The following SGK1 variants were observed in gnomAD, a reference collection of about 807,000 sequenced individuals.
SGK1 encodes the protein serine/threonine-protein kinase Sgk1.
In SGK1, 26 loss-of-function variants were observed where a neutral mutation model predicts 64.2. The observed-to-expected ratio is 0.40, with a 90% CI of 0.30 to 0.56. The LOEUF is 0.56. Ranked by LOEUF, SGK1 falls within the 20% of genes least tolerant of loss-of-function variation. SGK1 has a pLI of 0.38. For missense variants in SGK1, 519 were observed against 645.6 expected, an observed-to-expected ratio of 0.80 and a Z score of 2.12; for synonymous variants, 265 against 239.7, an observed-to-expected ratio of 1.11 and a Z score of -0.98.
intron 2 of SGK1, among the ~76,000 whole-genome samples, chr6:134,257,520 A>G (rs1281539502): frequency 1.3e-5 from 2 of 152,310 alleles, no homozygotes; most frequent in African/African-American, 2.4e-5. Flanking sequence ...TCTATATTTT[A>G]TCTTTACATA....
At chr6:134,228,841 C>CTTTTTTTTTTT (rs754300980) in intron 2 of SGK1, among the ~76,000 whole-genome samples, 1 of 129,960 alleles carries the variant, frequency 7.7e-6, no homozygotes, top group Non-Finnish European at 1.6e-5. Flanking sequence ...TGTAGTTGTT[C>CTTTTTTTTTTT]TTTTTTTTTT....
intron 2 of SGK1, among the ~76,000 whole-genome samples, chr6:134,257,732 T>C (rs1001059167): frequency 9.8e-5 from 15 of 152,334 alleles, no homozygotes; most frequent in African/African-American, 3.4e-4. Context: ...GTGGCAGAGC[T>C]GGCACAAGAA....
At chr6:134,277,330 A>C (rs1408846811) in intron 1 of SGK1, among the ~76,000 whole-genome samples, 3 of 152,214 alleles carry the variant, frequency 2.0e-5, no homozygotes, top group Non-Finnish European at 4.4e-5. Context: ...TTGAAAAAAC[A>C]AACCAACCAA....
At chr6:134,246,412 C>T (rs1776526046) in intron 2 of SGK1, among the ~76,000 whole-genome samples, 1 of 151,904 alleles carries the variant, frequency 6.6e-6, no homozygotes, top group Non-Finnish European at 1.5e-5. Context: ...CCACCTCAAC[C>T]TCCCAAAGTG....
rs1777706575 is a variant in SGK1 at position 134,317,596 on chromosome 6, T to A, written c.-136A>T. The A allele has an allele frequency of 1.4e-6, 1 of 702,316 alleles. No homozygotes were observed. The highest frequency in any genetic ancestry group is 2.6e-6 in the Non-Finnish European group (1 of 381,880). The allele number at this position is 702,316 out of a possible 1,614,324, so 43.5% of individuals were successfully genotyped here. A position where few individuals can be genotyped will look rare whatever the true frequency, so the allele number is the denominator to read the frequency against. On this transcript the variant is annotated 5_prime_UTR_variant, in exon 1 of 14. Transcript: ENST00000367858. The stretch of plus-strand genomic sequence containing the variant: ...GATGGAGAATCTAGCGGGGCTCAGT[T>A]CTTCACTCGCGCATTCTGCAGCACC...
At chr6:134,174,474 C>T in intron 4 of SGK1, 37 bp downstream of exon 4, 1 of 1,505,124 alleles carries the variant, frequency 6.6e-7, no homozygotes, top group Non-Finnish European at 9.2e-7. Context: ...CAAATTCAAA[C>T]TATACTAGTT....
At chr6:134,316,519 G>A (rs761966085) in intron 1 of SGK1, among the ~76,000 whole-genome samples, 4 of 151,938 alleles carry the variant, frequency 2.6e-5, no homozygotes, top group Non-Finnish European at 5.9e-5. Flanking sequence ...CTTACCTCCC[G>A]CTTGTGTATA....
chr6:134,244,612 C>G lies in SGK1; in HGVS notation c.285+17321G>C, dbSNP rs1425765381. Among the ~76,000 whole-genome samples the G allele has an allele frequency of 3.3e-5, 5 of 152,290 alleles. 1 individual carries two copies. The East Asian group carries it at 5.8e-4, about 18-fold the overall frequency. The stretch of plus-strand genomic sequence containing the variant: ...ACTTCCCGGGTAAGGCAACGCCCCC[C>G]ACCTGCTTCTGCTCGCCCTCCATGG... On this transcript the variant is annotated intron_variant, in intron 2 of 13. Transcript: ENST00000367858.
At chr6:134,265,584 C>T (rs1310971343) in intron 1 of SGK1, among the ~76,000 whole-genome samples, 3 of 143,444 alleles carry the variant, frequency 2.1e-5, no homozygotes, top group African/African-American at 7.7e-5. Context: ...TATACATATA[C>T]ATATATACAT....
intron 2 of SGK1, among the ~76,000 whole-genome samples, chr6:134,253,879 G>T (rs1462971745): frequency 2.0e-5 from 3 of 152,112 alleles, no homozygotes; most frequent in Admixed American, 2.0e-4. Flanking sequence ...AGCACACAGT[G>T]CCTTGGCTTC....
At chr6:134,219,345 T>C (rs1776041180) in intron 2 of SGK1, among the ~76,000 whole-genome samples, 2 of 152,030 alleles carry the variant, frequency 1.3e-5, no homozygotes, top group Admixed American at 6.6e-5. Context: ...CACAGAGCCA[T>C]GTCCAAACAC....
chr6:134,206,383 A>ATTTTTT lies in SGK1; in HGVS notation c.361+967_361+972dup, dbSNP rs869072819. Among the ~76,000 whole-genome samples the ATTTTTT allele has an allele frequency of 6.1e-3, 101 of 16,546 alleles. 7 individuals carry two copies. Among genetic ancestry groups the ATTTTTT allele is most frequent in the South Asian group, 0.029 (10 of 346 alleles). 10.9% of individuals were successfully genotyped at this position (16,546 alleles called of 152,430 possible). ...TATATATATATATATATATATATAT[A>ATTTTTT]TTTTTTTTTTTTTTTTTTTTTTTTA... On this transcript the variant is annotated intron_variant, in intron 3 of 13. Coordinates refer to ENST00000367858, the MANE Select transcript of SGK1 (RefSeq NM_001143676.3).
intron 1 of SGK1, among the ~76,000 whole-genome samples, chr6:134,266,691 T>C (rs1034698694): frequency 4.6e-5 from 7 of 152,174 alleles, no homozygotes. Flanking sequence ...TTTCTGTCAC[T>C]ATAGGGCCCC....
At chr6:134,270,907 C>T (rs1018038820) in intron 1 of SGK1, among the ~76,000 whole-genome samples, 1 of 145,234 alleles carries the variant, frequency 6.9e-6, no homozygotes, top group Admixed American at 7.1e-5. Flanking sequence ...ATCCACCCCA[C>T]CCTGTCCCAC....
chr6:134,290,870 T>G (rs535059554), intron 1 of SGK1, among the ~76,000 whole-genome samples: 1 of 152,156 alleles, frequency 6.6e-6, no homozygotes. Flanking sequence ...CTGGAACTTA[T>G]CTGGTTTGGC....
At chr6:134,173,843 T>C (rs1775118821) in intron 5 of SGK1, 162 bp downstream of exon 5, 1 of 623,088 alleles carries the variant, frequency 1.6e-6, no homozygotes, top group Non-Finnish European at 2.8e-6. Flanking sequence ...AAAATAATAC[T>C]CTGACTCAAT....
intron 2 of SGK1, among the ~76,000 whole-genome samples, chr6:134,242,209 G>A (rs4896029): frequency 0.58 from 87,467 of 151,794 alleles, 27,901 homozygotes; most frequent in South Asian, 0.82. Context: ...AATAAGGCTG[G>A]GCGCGGTGGC....
intron 3 of SGK1, among the ~76,000 whole-genome samples, chr6:134,197,393 G>A (rs1026966874): frequency 1.3e-5 from 2 of 152,098 alleles, no homozygotes; most frequent in African/African-American, 4.8e-5. Context: ...AAGGTGTTAT[G>A]TTTTTATTGT....
At chr6:134,280,559 T>C (rs984931242) in intron 1 of SGK1, among the ~76,000 whole-genome samples, 2 of 152,210 alleles carry the variant, frequency 1.3e-5, no homozygotes, top group Non-Finnish European at 2.9e-5. Context: ...ATTACAGGCA[T>C]GAGCCACCTC....
Sources: allele counts gnomAD v4.1 joint callset (sites outside exome capture counted in the v4.1 genomes callset), GRCh38; gene constraint gnomAD v4.1.1; transcripts MANE v1.5; gene names NCBI Gene and HGNC (gene_info 2026-07-23, HGNC 2026-07-21).